Variants in CSMD1 observed in about 807,000 individuals in gnomAD.
CSMD1 encodes CUB and sushi domain-containing protein 1.
Under a neutral mutation model 417.5 loss-of-function variants are expected in CSMD1, and 213 were observed. That is an observed-to-expected ratio of 0.51 (90% CI 0.46 to 0.57). The LOEUF (loss-of-function observed/expected upper bound fraction) is 0.57, where lower values mean the gene tolerates loss of function less well. CSMD1 is among the 20% of genes least tolerant of loss of function. The probability of loss-of-function intolerance (pLI) is 0.00; values close to 1 mark genes in which losing one functional copy is unlikely to be tolerated. For synonymous variants in CSMD1, 2,862 were observed against 1,736.8 expected, an observed-to-expected ratio of 1.65 and a Z score of -16.11; for missense variants, 6,923 against 4,529.7, an observed-to-expected ratio of 1.53 and a Z score of -15.17.
At chr8:4,500,939 G>C (rs1304281444) in intron 2 of CSMD1, among the ~76,000 whole-genome samples, 1 of 152,026 alleles carries the variant, frequency 6.6e-6, no homozygotes, top group Non-Finnish European at 1.5e-5. Context: ...ACTTGAGAAC[G>C]AGTACCCTTG....
intron 2 of CSMD1, among the ~76,000 whole-genome samples, chr8:4,560,188 A>C (rs1440823515): frequency 6.6e-6 from 1 of 152,180 alleles, no homozygotes; most frequent in African/African-American, 2.4e-5. Flanking sequence ...TCTCAGTTCC[A>C]TGCTGCAAGA....
intron 1 of CSMD1, among the ~76,000 whole-genome samples, chr8:4,893,452 A>C (rs1248112790): frequency 6.6e-6 from 1 of 151,984 alleles, no homozygotes; most frequent in Non-Finnish European, 1.5e-5. Flanking sequence ...TTATGTCTTC[A>C]GGGTTTATTT....
At chr8:4,010,888 A>C (rs1011551932) in intron 4 of CSMD1, among the ~76,000 whole-genome samples, 1 of 152,182 alleles carries the variant, frequency 6.6e-6, no homozygotes, top group African/African-American at 2.4e-5. Flanking sequence ...AAAACCAAAA[A>C]CATACTGAAA....
chr8:3,629,478 T>C (rs567734152), intron 7 of CSMD1, among the ~76,000 whole-genome samples: 17 of 152,228 alleles, frequency 1.1e-4, no homozygotes, highest in Admixed American at 6.5e-4. Context: ...TGACATGGAA[T>C]ACACAATACA....
intron 2 of CSMD1, among the ~76,000 whole-genome samples, chr8:4,520,913 G>C (rs1803410676): frequency 6.6e-6 from 1 of 151,960 alleles, no homozygotes; most frequent in South Asian, 2.1e-4. Flanking sequence ...TGGACACATG[G>C]GTTAACATTA....
At chr8:3,224,717 A>T (rs1352285509) in intron 27 of CSMD1, among the ~76,000 whole-genome samples, 4 of 152,244 alleles carry the variant, frequency 2.6e-5, no homozygotes, top group Non-Finnish European at 5.9e-5. Flanking sequence ...CATTTATATT[A>T]GCAAGGCAGT....
At chr8:3,780,393 C>G (rs767386907) in intron 5 of CSMD1, among the ~76,000 whole-genome samples, 5 of 152,158 alleles carry the variant, frequency 3.3e-5, no homozygotes, top group Non-Finnish European at 7.3e-5. Context: ...CCTTAATTAT[C>G]GCCTTTTCAG....
intron 1 of CSMD1, among the ~76,000 whole-genome samples, chr8:4,650,453 C>T (rs1341138243): frequency 6.6e-6 from 1 of 151,896 alleles, no homozygotes; most frequent in Non-Finnish European, 1.5e-5. Flanking sequence ...ATTTGTATGG[C>T]CTTTCAACTT....
intron 2 of CSMD1, among the ~76,000 whole-genome samples, chr8:4,607,817 G>A (rs555428161): frequency 3.3e-5 from 5 of 152,182 alleles, no homozygotes; most frequent in Admixed American, 2.6e-4. Flanking sequence ...TTTTCCCTTT[G>A]CAATAAATCT....
chr8:3,468,779 G>C lies in CSMD1; in HGVS notation c.1494C>G (p.Asn498Lys), dbSNP rs554447593. The stretch of plus-strand genomic sequence containing the variant: ...CCGACTGCAGATGTAGCCACATCTG[G>C]TTGCTCATGCTCACAATGAGGTCAG... Reference protein sequence around the residue: ...SVPDLIVSMSNQMWLHLQSDD... With the variant: ...SVPDLIVSMSKQMWLHLQSDD... The change falls in exon 12 of 70, where the codon AAC becomes AAG. Residue 498 changes from asparagine (N) to lysine (K), a missense_variant. By Grantham distance (94) the Asn-to-Lys change is moderately conservative. Transcript: ENST00000635120. The C allele has an allele frequency of 1.9e-6, 3 of 1,605,880 alleles. No homozygotes were observed. The highest frequency in any genetic ancestry group is 4.5e-5 in the East Asian group (2 of 44,710).
At chr8:4,001,908 T>A (rs1262993416) in intron 4 of CSMD1, among the ~76,000 whole-genome samples, 2 of 151,986 alleles carry the variant, frequency 1.3e-5, no homozygotes, top group Non-Finnish European at 2.9e-5. Flanking sequence ...AAAAAAAAAT[T>A]CCCAAACCTT....
chr8:2,949,447 C>T (rs897314024), intron 67 of CSMD1, 61 bp from the exon 68 acceptor site: 2 of 803,584 alleles, frequency 2.5e-6, no homozygotes, highest in African/African-American at 1.7e-5. Context: ...GAATAATATC[C>T]TCTTTTAATA....
At chr8:4,302,214 G>C (rs1798015392) in intron 3 of CSMD1, among the ~76,000 whole-genome samples, 1 of 152,164 alleles carries the variant, frequency 6.6e-6, no homozygotes, top group South Asian at 2.1e-4. Context: ...GCTTTAAATA[G>C]ATGCAATGAA....
intron 1 of CSMD1, among the ~76,000 whole-genome samples, chr8:4,833,542 G>C: frequency 6.6e-6 from 1 of 152,210 alleles, no homozygotes; most frequent in Non-Finnish European, 1.5e-5. Context: ...AACAGTTGCT[G>C]TTAAGTAGAT....
At chr8:4,711,961 T>G (rs778928188) in intron 1 of CSMD1, among the ~76,000 whole-genome samples, 2 of 152,146 alleles carry the variant, frequency 1.3e-5, no homozygotes, top group Non-Finnish European at 1.5e-5. Flanking sequence ...TCATTTGCGG[T>G]ACAGTTTTAA....
At chr8:3,801,755 A>G (rs939720581) in intron 5 of CSMD1, among the ~76,000 whole-genome samples, 1 of 152,182 alleles carries the variant, frequency 6.6e-6, no homozygotes. Flanking sequence ...TGGACAAACT[A>G]ATATAGCATA....
In CSMD1 at chr8:4,450,946, A is replaced by G. The variant is rs1563188476; in HGVS notation, c.303-30881T>C. 2.0e-5 allele frequency among the ~76,000 whole-genome samples: 3 copies of G among 152,190 alleles called. No individual in the cohort carries two copies. The South Asian group carries it at 6.2e-4, about 32-fold the overall frequency. On this transcript the variant is annotated intron_variant, in intron 2 of 69. Coordinates refer to ENST00000635120, the MANE Select transcript of CSMD1 (RefSeq NM_033225.6). ...GGAAAGGGCCAATAAAAGAACCCAT[A>G]CAACTAAGATCTACAGTAACGTATT...
chr8:3,683,102 C>G (rs1028137265), intron 7 of CSMD1, among the ~76,000 whole-genome samples: 1 of 151,932 alleles, frequency 6.6e-6, no homozygotes, highest in Admixed American at 6.6e-5. Context: ...TGCTAAATGA[C>G]AAGCTAATGG....
chr8:3,488,594 C>A (rs923063771), intron 11 of CSMD1, among the ~76,000 whole-genome samples: 14 of 152,152 alleles, frequency 9.2e-5, no homozygotes, highest in Admixed American at 2.6e-4. Flanking sequence ...GCTAATTCCT[C>A]CTCAAGGCTA....
Sources: allele counts gnomAD v4.1 joint callset (sites outside exome capture counted in the v4.1 genomes callset), GRCh38; gene constraint gnomAD v4.1.1; transcripts MANE v1.5; gene names NCBI Gene and HGNC (gene_info 2026-07-23, HGNC 2026-07-21).